MPDZ: variants seen among roughly 807,000 people sequenced by gnomAD.
The protein encoded by MPDZ is multiple PDZ domain protein.
In MPDZ, 234 loss-of-function variants were observed where a neutral mutation model predicts 239.1. The ratio of observed to expected loss-of-function variants is 0.98; its 90% CI spans 0.88 to 1.09. The LOEUF (loss-of-function observed/expected upper bound fraction) is 1.09, where lower values mean the gene tolerates loss of function less well. Ranked by LOEUF, MPDZ falls within the 50% of genes least tolerant of loss-of-function variation. The pLI is 0.00. For synonymous variants in MPDZ, 1,048 were observed against 881.3 expected, an observed-to-expected ratio of 1.19 and a Z score of -3.35; for missense variants, 3,175 against 2,510.0, an observed-to-expected ratio of 1.26 and a Z score of -5.66.
chr9:13,209,670 AT>A (rs1248576126), intron 10 of MPDZ, among the ~76,000 whole-genome samples: 1 of 152,176 alleles, frequency 6.6e-6, no homozygotes, highest in African/African-American at 2.4e-5. Flanking sequence ...GAAAAAAGAT[AT>A]TTCCTGAAAC....
At chr9:13,236,268 T>TATATATATATA (rs1491170147) in intron 3 of MPDZ, among the ~76,000 whole-genome samples, 1,259 of 12,766 alleles carry the variant, frequency 0.099, 291 homozygotes, top group Non-Finnish European at 0.12. Flanking sequence ...TATATATATA[T>TATATATATATA]TTTTTTTTTT....
intron 22 of MPDZ, among the ~76,000 whole-genome samples, chr9:13,163,074 T>A (rs1196800730): frequency 6.6e-6 from 1 of 152,132 alleles, no homozygotes; most frequent in Non-Finnish European, 1.5e-5. Context: ...ATTTATATTA[T>A]CAAATGAAAA....
Position 13,219,572 on chromosome 9 carries a change from G to A in MPDZ, c.1073C>T (p.Thr358Ile), listed in dbSNP as rs61753781. The A allele has an allele frequency of 3.7e-5, 60 of 1,611,748 alleles. No homozygotes were observed. The highest frequency in any genetic ancestry group is 5.1e-5 in the Non-Finnish European group (60 of 1,178,764). The stretch of plus-strand genomic sequence containing the variant: ...TTAACTACTTACCCGCAACTCTGGT[G>A]TTGAAGTTGGGGATGAGGAGAGGGT... The part of the protein sequence containing the change: ...GITLSSSPTS[T>I]PELRVDASTQ... Residue 358 changes from threonine to isoleucine, a missense_variant, in exon 8 of 47, where the codon ACA (threonine) becomes ATA (isoleucine). Physicochemically the swap from Thr to Ile is moderately conservative, Grantham distance 89. Coordinates refer to ENST00000319217, the MANE Select transcript of MPDZ (RefSeq NM_001378778.1).
intron 23 of MPDZ, among the ~76,000 whole-genome samples, chr9:13,161,763 C>T (rs1019265220): frequency 3.3e-5 from 5 of 152,124 alleles, no homozygotes; most frequent in African/African-American, 1.2e-4. Context: ...TTATTTCTCT[C>T]CCTGATCTTG....
intron 22 of MPDZ, 79 bp from the exon 23 acceptor site, chr9:13,162,874 G>T (rs1587405815): frequency 3.2e-6 from 3 of 924,204 alleles, no homozygotes; most frequent in East Asian, 5.1e-5. Flanking sequence ...TAAAATAAAG[G>T]AAACAAATCA....
chr9:13,233,750 C>T (rs533469769), intron 3 of MPDZ, among the ~76,000 whole-genome samples: 30 of 152,206 alleles, frequency 2.0e-4, no homozygotes, highest in African/African-American at 7.0e-4. Context: ...CAAGTAGTAG[C>T]GACAGCCTGT....
intron 42 of MPDZ, 76 bp downstream of exon 42, chr9:13,112,935 A>G: frequency 7.4e-7 from 1 of 1,349,978 alleles, no homozygotes. Flanking sequence ...AAACCGTAAG[A>G]AAGTTAACAA....
In MPDZ at chr9:13,224,413, A is replaced by C. The variant is rs1291365629; in HGVS notation, c.354T>G (p.Ala118=). The part of the protein sequence containing the change: ...PGIPHINGKP[A]CDEFDQLIKN... ...TGATAAGCTGATCAAATTCATCACA[A>C]GCAGGTTTCCCATTAATGTGTGGAA... Residue 118 remains alanine, a synonymous_variant, in exon 4 of 47, where the codon GCT becomes GCG. Coordinates refer to ENST00000319217, the MANE Select transcript of MPDZ (RefSeq NM_001378778.1). 3 of 1,612,776 alleles carry C rather than the reference A, an allele frequency of 1.9e-6. No individual in the cohort carries two copies. Among genetic ancestry groups the C allele is most frequent in the Non-Finnish European group, 2.5e-6 (3 of 1,179,226 alleles).
Position 13,149,522 on chromosome 9 carries a change from C to T in MPDZ, c.3630+989G>A, listed in dbSNP as rs549151843. On this transcript the variant is annotated intron_variant, in intron 25 of 46. Transcript: ENST00000319217. ...TAGGTCAGGTACTCCTTTCTCTATC[C>T]TTCTAAATAAAATTATGCTTATCCC... Among the ~76,000 whole-genome samples, 33 of 152,080 alleles carry T rather than the reference C, an allele frequency of 2.2e-4. No homozygotes were observed. In the South Asian group the frequency reaches 3.9e-3, roughly 18 times the overall value.
At chr9:13,115,398 G>T in intron 39 of MPDZ, 64 bp from the exon 40 acceptor site, 1 of 1,353,014 alleles carries the variant, frequency 7.4e-7, no homozygotes, top group Non-Finnish European at 1.0e-6. Flanking sequence ...ATCATCTTTA[G>T]GAATACATTT....
In MPDZ at chr9:13,160,830, T is replaced by TTATATATATATATATATA. The variant is rs58374268; in HGVS notation, c.3359+1843_3359+1860dup. 9.7e-4 allele frequency among the ~76,000 whole-genome samples: 37 copies of TTATATATATATATATATA among 37,982 alleles called. 2 individuals are homozygous for TTATATATATATATATATA. Among genetic ancestry groups the TTATATATATATATATATA allele is most frequent in the South Asian group, 1.5e-3 (1 of 660 alleles). 24.9% of individuals were successfully genotyped at this position (37,982 alleles called of 152,430 possible). ...CTTTTTTTTCTTGTCATTATTAAAA[T>TTATATATATATATATATA]TATATATATATATATATATATATAT... On this transcript the variant is annotated intron_variant, in intron 23 of 46. Coordinates refer to ENST00000319217, the MANE Select transcript of MPDZ (RefSeq NM_001378778.1).
intron 1 of MPDZ, among the ~76,000 whole-genome samples, chr9:13,264,311 T>A (rs1374243538): frequency 6.6e-6 from 1 of 152,198 alleles, no homozygotes; most frequent in Non-Finnish European, 1.5e-5. Flanking sequence ...TACACAACTT[T>A]TATAAAGAAT....
chr9:13,216,182 T>C (rs1427825580), intron 10 of MPDZ, among the ~76,000 whole-genome samples: 1 of 151,686 alleles, frequency 6.6e-6, no homozygotes, highest in African/African-American at 2.4e-5. Flanking sequence ...CGGTATCAAC[T>C]GAACACTGAA....
At chr9:13,155,051 T>C (rs1478326270) in intron 24 of MPDZ, among the ~76,000 whole-genome samples, 1 of 151,994 alleles carries the variant, frequency 6.6e-6, no homozygotes, top group Non-Finnish European at 1.5e-5. Context: ...ACCCCATCTT[T>C]ACTAAAAATA....
chr9:13,202,959 G>T (rs1367534655), intron 12 of MPDZ, among the ~76,000 whole-genome samples: 1 of 152,072 alleles, frequency 6.6e-6, no homozygotes, highest in Non-Finnish European at 1.5e-5. Context: ...CTGCCATCTT[G>T]TTGATGTCAC....
rs369610422 is a variant in MPDZ at position 13,186,328 on chromosome 9, T to C, written c.2423A>G (p.His808Arg). The C allele has an allele frequency of 3.8e-5, 60 of 1,593,434 alleles. No individual in the cohort carries two copies. Among genetic ancestry groups the C allele is most frequent in the Non-Finnish European group, 4.4e-5 (51 of 1,169,764 alleles). ...AKEDSFLYPP[H>R]SCEEAGLADK... ...AGCCAGCCCTGCTTCCTCACAGGAGTGTGGTGGGTAGAGAAAGGAATCCTC... is the reference window on the plus strand; with the variant it reads ...AGCCAGCCCTGCTTCCTCACAGGAGCGTGGTGGGTAGAGAAAGGAATCCTC... Residue 808 changes from histidine (H) to arginine (R), a missense_variant, in exon 18 of 47, where the codon CAC (histidine) becomes CGC (arginine). Physicochemically the swap from His to Arg is conservative, Grantham distance 29. Coordinates refer to ENST00000319217, the MANE Select transcript of MPDZ (RefSeq NM_001378778.1).
At chr9:13,187,145 AG>A (rs1248058995) in intron 17 of MPDZ, among the ~76,000 whole-genome samples, 1 of 152,282 alleles carries the variant, frequency 6.6e-6, no homozygotes, top group African/African-American at 2.4e-5. Flanking sequence ...ATAGGGGAAA[AG>A]AAACTGTTTT....
At chr9:13,207,716 G>A (rs780248258) in intron 10 of MPDZ, among the ~76,000 whole-genome samples, 4 of 152,020 alleles carry the variant, frequency 2.6e-5, no homozygotes, top group Non-Finnish European at 5.9e-5. Flanking sequence ...TGCAGTTTAT[G>A]ACTATATACT....
At chr9:13,158,241 T>A in intron 23 of MPDZ, 131 bp from the exon 24 acceptor site, 1 of 661,948 alleles carries the variant, frequency 1.5e-6, no homozygotes, top group Non-Finnish European at 2.5e-6. Context: ...GCCATAAGTA[T>A]AAAATATTTT....
Sources: allele counts gnomAD v4.1 joint callset (sites outside exome capture counted in the v4.1 genomes callset), GRCh38; gene constraint gnomAD v4.1.1; transcripts MANE v1.5; gene names NCBI Gene and HGNC (gene_info 2026-07-23, HGNC 2026-07-21).